SWT1: variants seen among roughly 807,000 people sequenced by gnomAD.
SWT1 encodes transcriptional protein SWT1.
Under a neutral mutation model 107.3 loss-of-function variants are expected in SWT1, and 33 were observed. The observed-to-expected ratio is 0.31, with a 90% CI of 0.23 to 0.41. The LOEUF is 0.41. SWT1 is among the 10% of genes least tolerant of loss of function. The probability of loss-of-function intolerance (pLI) is 1.00; values close to 1 mark genes in which losing one functional copy is unlikely to be tolerated. For missense variants in SWT1, 898 were observed against 1,028.9 expected, an observed-to-expected ratio of 0.87 and a Z score of 1.74; for synonymous variants, 345 against 348.3, an observed-to-expected ratio of 0.99 and a Z score of 0.11.
intron 16 of SWT1, among the ~76,000 whole-genome samples, chr1:185,250,530 C>A (rs1571615617): frequency 6.6e-6 from 1 of 152,284 alleles, no homozygotes; most frequent in East Asian, 1.9e-4. Context: ...CTTCCTCTCT[C>A]TATACTCCAC....
chr1:185,245,297 A>G (rs1661526516), intron 16 of SWT1, among the ~76,000 whole-genome samples: 1 of 151,864 alleles, frequency 6.6e-6, no homozygotes, highest in East Asian at 1.9e-4. Context: ...CATACACATT[A>G]CCCTAGGCCT....
chr1:185,278,487 A>G (rs557250812), intron 18 of SWT1, among the ~76,000 whole-genome samples: 1 of 152,294 alleles, frequency 6.6e-6, no homozygotes, highest in African/African-American at 2.4e-5. Flanking sequence ...CAGCCTGGAC[A>G]GTCTAAGATG....
intron 10 of SWT1, among the ~76,000 whole-genome samples, chr1:185,199,991 A>T (rs929452222): frequency 2.6e-5 from 4 of 151,810 alleles, no homozygotes; most frequent in African/African-American, 9.7e-5. Flanking sequence ...CATTTCATTA[A>T]GTTGATCTTC....
intron 16 of SWT1, among the ~76,000 whole-genome samples, chr1:185,236,520 A>G (rs1279659083): frequency 6.6e-6 from 1 of 152,238 alleles, no homozygotes; most frequent in Non-Finnish European, 1.5e-5. Context: ...AGCCATATGC[A>G]GAAAGCTGAA....
intron 16 of SWT1, among the ~76,000 whole-genome samples, chr1:185,253,860 T>A (rs1662256700): frequency 6.6e-6 from 1 of 151,504 alleles, no homozygotes; most frequent in Admixed American, 6.6e-5. Context: ...TTGTGCCAAT[T>A]TTCAAAGGGA....
chr1:185,260,618 T>C (rs1662953463), intron 16 of SWT1, among the ~76,000 whole-genome samples: 1 of 152,082 alleles, frequency 6.6e-6, no homozygotes, highest in Non-Finnish European at 1.5e-5. Context: ...AAATGTTAGA[T>C]AGTAGGCTAA....
chr1:185,276,958 C>G (rs1664283225), intron 18 of SWT1, among the ~76,000 whole-genome samples: 2 of 152,012 alleles, frequency 1.3e-5, no homozygotes, highest in Admixed American at 6.6e-5. Flanking sequence ...GGGTCATTAT[C>G]TAGCTATATT....
chr1:185,179,966 A>G (rs1005316057), intron 5 of SWT1, among the ~76,000 whole-genome samples: 2 of 152,210 alleles, frequency 1.3e-5, no homozygotes, highest in African/African-American at 4.8e-5. Context: ...CAGGTGGATC[A>G]CTTGAACTCA....
chr1:185,221,925 C>A lies in SWT1; in HGVS notation c.2198C>A (p.Ser733Tyr). 1 of 1,611,994 alleles carries A rather than the reference C, an allele frequency of 6.2e-7. No individual in the cohort carries two copies. Among genetic ancestry groups the A allele is most frequent in the Non-Finnish European group, 8.5e-7 (1 of 1,179,148 alleles). The stretch of plus-strand genomic sequence containing the variant: ...CAGGAAGGTACTTCATTGAAGAATT[C>A]TCATAATCAAGAAATCACTGTTTTC... ...KKQEGTSLKN[S>Y]HNQEITVFSS... The change falls in exon 15 of 19, where the codon TCT (serine) becomes TAT (tyrosine). Residue 733 changes from serine to tyrosine, a missense_variant. Physicochemically the swap from Ser to Tyr is moderately radical, Grantham distance 144 (BLOSUM62 -2). Around this residue, in one of 6 missense-constraint regions of SWT1, gnomAD observed 382 missense variants for 460.0 expected, o/e 0.83. Transcript: ENST00000367500.
intron 5 of SWT1, chr1:185,176,540 T>C: frequency 1.0e-6 from 1 of 973,426 alleles, no homozygotes; most frequent in Non-Finnish European, 1.2e-6. Context: ...CTAATCTCTA[T>C]AATTTTGTTT....
intron 14 of SWT1, 142 bp downstream of exon 14, chr1:185,214,797 T>C: frequency 1.5e-6 from 1 of 648,888 alleles, no homozygotes; most frequent in Non-Finnish European, 2.5e-6. Flanking sequence ...GTTAAGTGAA[T>C]TGAATACAGA....
intron 18 of SWT1, among the ~76,000 whole-genome samples, chr1:185,276,954 TTATC>T (rs1473909684): frequency 1.3e-5 from 2 of 152,222 alleles, no homozygotes; most frequent in Admixed American, 1.3e-4. Context: ...GTATGGGTCA[TTATC>T]TAGCTATATT....
chr1:185,283,703 G>A (rs1057252947), intron 18 of SWT1, among the ~76,000 whole-genome samples: 4 of 152,272 alleles, frequency 2.6e-5, no homozygotes, highest in Admixed American at 6.5e-5. Flanking sequence ...CAGGCAATCA[G>A]ATGCACCCCA....
chr1:185,282,988 T>C (rs1664731078), intron 18 of SWT1, among the ~76,000 whole-genome samples: 1 of 152,120 alleles, frequency 6.6e-6, no homozygotes, highest in Admixed American at 6.5e-5. Flanking sequence ...TTTACTTATA[T>C]TTACCCATTT....
At chr1:185,169,318 T>A (rs1377429561) in intron 4 of SWT1, among the ~76,000 whole-genome samples, 3 of 151,434 alleles carry the variant, frequency 2.0e-5, no homozygotes, top group Non-Finnish European at 4.4e-5. Context: ...TCTAAAACAC[T>A]ATTTGACTTT....
Position 185,274,706 on chromosome 1 carries a change from G to A in SWT1, c.2509-1898G>A, listed in dbSNP as rs1044926187. On this transcript the variant is annotated intron_variant, in intron 17 of 18. Transcript: ENST00000367500. ...GGTAATGATACCCATTTCACAATTCGTTTTATAGTCACAACTCTAATGTTT... is the reference window on the plus strand; with the variant it reads ...GGTAATGATACCCATTTCACAATTCATTTTATAGTCACAACTCTAATGTTT... Among the ~76,000 whole-genome samples the A allele has an allele frequency of 5.9e-5, 9 of 152,108 alleles. No homozygotes were observed. The East Asian group carries it at 1.3e-3, about 23-fold the overall frequency.
chr1:185,238,228 C>T (rs915744579), intron 16 of SWT1, among the ~76,000 whole-genome samples: 3 of 152,052 alleles, frequency 2.0e-5, no homozygotes, highest in Non-Finnish European at 2.9e-5. Flanking sequence ...TCAAGTGATC[C>T]TCCTTTCTTG....
At chr1:185,245,559 CAT>C (rs1395022314) in intron 16 of SWT1, among the ~76,000 whole-genome samples, 2 of 151,954 alleles carry the variant, frequency 1.3e-5, no homozygotes, top group Non-Finnish European at 2.9e-5. Context: ...GAACCAGTAA[CAT>C]AGTTGTTTAT....
chr1:185,226,393 C>G (rs1265916917), intron 15 of SWT1, among the ~76,000 whole-genome samples: 1 of 152,116 alleles, frequency 6.6e-6, no homozygotes, highest in African/African-American at 2.4e-5. Context: ...TGTAAAGATG[C>G]TTATTTGGAA....
Sources: allele counts gnomAD v4.1 joint callset (sites outside exome capture counted in the v4.1 genomes callset), GRCh38; gene constraint gnomAD v4.1.1; regional missense constraint gnomAD v4.1.1; transcripts MANE v1.5; gene names NCBI Gene and HGNC (gene_info 2026-07-23, HGNC 2026-07-21).